The following GLIS1 variants were observed in gnomAD, a reference collection of about 807,000 sequenced individuals.
GLIS1 encodes zinc finger protein GLIS1.
In GLIS1, 24 loss-of-function variants were observed where a neutral mutation model predicts 63.8. That is an observed-to-expected ratio of 0.38 (90% CI 0.27 to 0.53). GLIS1 has a LOEUF of 0.53. Among genes scored for constraint, GLIS1 ranks in the 20% least tolerant of loss-of-function variants. GLIS1 has a pLI of 0.85. For missense variants in GLIS1, 1,036 were observed against 1,074.1 expected, an observed-to-expected ratio of 0.96 and a Z score of 0.50; for synonymous variants, 450 against 482.5, an observed-to-expected ratio of 0.93 and a Z score of 0.88.
chr1:53,659,019 C>A (rs935811090), intron 2 of GLIS1, among the ~76,000 whole-genome samples: 1 of 152,180 alleles, frequency 6.6e-6, no homozygotes, highest in African/African-American at 2.4e-5. Context: ...TCTATGAATG[C>A]GGATCGTGGC....
At chr1:53,531,272 T>G (rs571723463) in intron 4 of GLIS1, among the ~76,000 whole-genome samples, 1 of 152,270 alleles carries the variant, frequency 6.6e-6, no homozygotes, top group African/African-American at 2.4e-5. Flanking sequence ...TTAGGGCCCA[T>G]GGGACCCTGC....
chr1:53,581,684 G>T (rs1240431550), intron 4 of GLIS1, among the ~76,000 whole-genome samples: 1 of 152,186 alleles, frequency 6.6e-6, no homozygotes, highest in Non-Finnish European at 1.5e-5. Context: ...GGGAGCAGAG[G>T]TCAGGCTGGG....
At chr1:53,706,862 T>C (rs981400810) in intron 2 of GLIS1, among the ~76,000 whole-genome samples, 1 of 152,092 alleles carries the variant, frequency 6.6e-6, no homozygotes, top group Non-Finnish European at 1.5e-5. Context: ...TTTCTAAATG[T>C]TCATAATTAA....
intron 2 of GLIS1, among the ~76,000 whole-genome samples, chr1:53,726,041 G>C (rs1483020689): frequency 6.6e-6 from 1 of 152,194 alleles, no homozygotes; most frequent in East Asian, 1.9e-4. Flanking sequence ...AGTTTCATGG[G>C]GAAGGGAAAA....
At chr1:53,616,757 G>A (rs559185200) in intron 2 of GLIS1, among the ~76,000 whole-genome samples, 25 of 152,230 alleles carry the variant, frequency 1.6e-4, no homozygotes, top group South Asian at 4.2e-4. Context: ...CTCCAGGAAC[G>A]GGCACAATCC....
intron 6 of GLIS1, among the ~76,000 whole-genome samples, chr1:53,522,982 C>CTTTCTTTTTCT (rs1553120122): frequency 4.5e-5 from 1 of 22,084 alleles, no homozygotes; most frequent in African/African-American, 3.1e-4. Flanking sequence ...CTTTTCTTTT[C>CTTTCTTTTTCT]TTTCTTTTTT....
At position 53,526,092 on chromosome 1, in the gene GLIS1, C is replaced by T. The variant is rs768815467; in HGVS notation, c.1483-1205G>A. ...CCTTTGCGGACACGTCTAGTGCTTCCGCTCTCTTAGAAGCCTCTGCCCTGC... is the reference window on the plus strand; with the variant it reads ...CCTTTGCGGACACGTCTAGTGCTTCTGCTCTCTTAGAAGCCTCTGCCCTGC... On this transcript the variant is annotated intron_variant, in intron 5 of 10. Coordinates refer to ENST00000628545, the MANE Select transcript of GLIS1 (RefSeq NM_001367484.1). The surrounding 1 kb of genome is among the most constrained non-coding windows in gnomAD (Gnocchi z 4.4). 3.9e-5 allele frequency among the ~76,000 whole-genome samples: 6 copies of T among 152,168 alleles called. No homozygotes were observed. Among genetic ancestry groups the T allele is most frequent in the Non-Finnish European group, 5.9e-5 (4 of 68,030 alleles).
At chr1:53,542,729 C>T (rs970026182) in intron 4 of GLIS1, among the ~76,000 whole-genome samples, 10 of 152,218 alleles carry the variant, frequency 6.6e-5, no homozygotes, top group Admixed American at 5.2e-4. Context: ...GCCCCTTCAC[C>T]CCTGGGGCTA....
chr1:53,625,527 T>C (rs1023310247), intron 2 of GLIS1, among the ~76,000 whole-genome samples: 2 of 152,180 alleles, frequency 1.3e-5, no homozygotes, highest in Non-Finnish European at 2.9e-5. Flanking sequence ...TTCATTCAAG[T>C]AGTCATTCAA....
intron 2 of GLIS1, among the ~76,000 whole-genome samples, chr1:53,652,854 C>T (rs946481592): frequency 1.6e-4 from 25 of 152,196 alleles, no homozygotes; most frequent in Admixed American, 3.9e-4. Context: ...ACAACTTCAG[C>T]CCCACCCTGG....
At chr1:53,544,882 G>T (rs894712182) in intron 4 of GLIS1, among the ~76,000 whole-genome samples, 1 of 152,290 alleles carries the variant, frequency 6.6e-6, no homozygotes, top group South Asian at 2.1e-4. Context: ...GGGCTGGGCT[G>T]CGTGGGAACC....
chr1:53,510,012 G>C lies in GLIS1; in HGVS notation c.1899C>G (p.Leu633=), dbSNP rs1294255470. The change falls in exon 9 of 11, where the codon CTC becomes CTG. Residue 633 remains leucine, a synonymous_variant. Transcript: ENST00000628545. ...TCAGGGGGCTGACTATTGGTGAGAG[G>C]AGGCCGGGCCCCAACCTGGAGAGAA... ...ESTRDGLGPG[L]LSPIVSPLKG... The C allele has an allele frequency of 7.9e-7, 1 of 1,273,634 alleles. No individual in the cohort carries two copies. The highest frequency in any genetic ancestry group is 1.0e-6 in the Non-Finnish European group (1 of 1,001,882). 78.9% of individuals were successfully genotyped at this position (1,273,634 alleles called of 1,614,324 possible).
intron 2 of GLIS1, among the ~76,000 whole-genome samples, chr1:53,628,727 G>T (rs368122512): frequency 2.4e-4 from 36 of 152,232 alleles, no homozygotes; most frequent in African/African-American, 8.2e-4. Context: ...CAGTCTCCTG[G>T]GTGCTGATCA....
At chr1:53,537,988 T>C (rs1644599083) in intron 4 of GLIS1, among the ~76,000 whole-genome samples, 1 of 152,242 alleles carries the variant, frequency 6.6e-6, no homozygotes, top group South Asian at 2.1e-4. Context: ...CTCCAACATG[T>C]CAAATAATCC....
At chr1:53,667,775 C>T (rs1646109654) in intron 2 of GLIS1, among the ~76,000 whole-genome samples, 1 of 152,218 alleles carries the variant, frequency 6.6e-6, no homozygotes, top group African/African-American at 2.4e-5. Flanking sequence ...GTGCATTAAG[C>T]CTCTTCTAAA....
rs571133303 is a variant in GLIS1 at position 53,639,957 on chromosome 1, G to C, written c.260-39679C>G. On this transcript the variant is annotated intron_variant, in intron 2 of 10. Coordinates refer to ENST00000628545, the MANE Select transcript of GLIS1 (RefSeq NM_001367484.1). This position sits in a 1 kb window ranked among gnomAD's most constrained non-coding sequence, Gnocchi z 4.6. ...CTCAGTTTATACTTCCACAGAAACA[G>C]GGATACTACACTTAACAAACACGAG... is the stretch of plus-strand genomic sequence containing the variant. 6.6e-6 allele frequency among the ~76,000 whole-genome samples: 1 copy of C among 152,202 alleles called. No individual in the cohort carries two copies. Among genetic ancestry groups the C allele is most frequent in the African/African-American group, 2.4e-5 (1 of 41,456 alleles).
At chr1:53,718,204 T>C (rs1029317859) in intron 2 of GLIS1, among the ~76,000 whole-genome samples, 1 of 152,234 alleles carries the variant, frequency 6.6e-6, no homozygotes, top group African/African-American at 2.4e-5. Context: ...ATCTCTTCTC[T>C]GCCTAAATCA....
At chr1:53,524,467 C>T (rs958408363) in intron 6 of GLIS1, among the ~76,000 whole-genome samples, 9 of 152,216 alleles carry the variant, frequency 5.9e-5, no homozygotes, top group African/African-American at 2.2e-4. Flanking sequence ...GTGCCCAGCA[C>T]AAGGCTGGAC....
intron 9 of GLIS1, 117 bp from the exon 10 acceptor site, chr1:53,509,404 G>C: frequency 8.8e-7 from 1 of 1,132,756 alleles, no homozygotes; most frequent in Admixed American, 2.5e-5. Flanking sequence ...CATTGTGGGT[G>C]TGAGAGAGAG....
Sources: allele counts gnomAD v4.1 joint callset (sites outside exome capture counted in the v4.1 genomes callset), GRCh38; gene constraint gnomAD v4.1.1; non-coding constraint Gnocchi (gnomAD v3.1); transcripts MANE v1.5; gene names NCBI Gene and HGNC (gene_info 2026-07-23, HGNC 2026-07-21).